Variants in STK25 observed in about 807,000 individuals in gnomAD.
STK25 encodes serine/threonine kinase 25.
STK25 carries 29 observed loss-of-function variants against 53.8 expected under a neutral mutation model. The ratio of observed to expected loss-of-function variants is 0.54; its 90% CI spans 0.40 to 0.74. The LOEUF is 0.74. STK25 is among the 30% of genes least tolerant of loss of function. The pLI is 0.00. For missense variants in STK25, 420 were observed against 568.0 expected, an observed-to-expected ratio of 0.74 and a Z score of 2.65; for synonymous variants, 247 against 238.3, an observed-to-expected ratio of 1.04 and a Z score of -0.33.
chr2:241,502,311 A>G (rs757347040), intron 2 of STK25, among the ~76,000 whole-genome samples: 36 of 152,340 alleles, frequency 2.4e-4, no homozygotes, highest in Non-Finnish European at 4.9e-4. Context: ...ATGACACGGC[A>G]TGAAGGTTGC....
rs2065199923 is a variant in STK25 at position 241,496,861 on chromosome 2, C to T, written c.1105-327G>A. Among the ~76,000 whole-genome samples the T allele has an allele frequency of 6.6e-6, 1 of 152,104 alleles. No individual in the cohort carries two copies. The highest frequency in any genetic ancestry group is 2.1e-4 in the South Asian group (1 of 4,816). ...AGCCACTCAATGGGTCTAATCAGAC[C>T]CAAAAACACGAAGCCCAGAAACCCC... is the stretch of plus-strand genomic sequence containing the variant. On this transcript the variant is annotated intron_variant, in intron 10 of 11. Transcript: ENST00000316586. The surrounding 1 kb of genome is among the most constrained non-coding windows in gnomAD (Gnocchi z 5.8).
Position 241,508,451 on chromosome 2 carries a change from G to A in STK25, c.-109C>T, listed in dbSNP as rs993460835. On this transcript the variant is annotated 5_prime_UTR_variant, in exon 1 of 12. Transcript: ENST00000316586. Reference sequence around the variant, plus strand: ...CCCGGCAGCGCGCCCACCTCCGCGGGGCTCCATCCCGGCCTCCCCCGGCCC... The same window carrying A: ...CCCGGCAGCGCGCCCACCTCCGCGGAGCTCCATCCCGGCCTCCCCCGGCCC... 2.8e-6 allele frequency: 3 copies of A among 1,085,372 alleles called. No individual in the cohort carries two copies. The highest frequency in any genetic ancestry group is 2.3e-6 in the Non-Finnish European group (2 of 888,502). 67.2% of individuals were successfully genotyped at this position (1,085,372 alleles called of 1,614,324 possible). A position where few individuals can be genotyped will look rare whatever the true frequency, so the allele number is the denominator to read the frequency against.
chr2:241,496,442 G>A lies in STK25; in HGVS notation c.1197C>T (p.Gly399=), dbSNP rs761489823. ...AFSLAEESCP[G]ISDKLMVHLV... is the part of the protein sequence containing the mutation. ...GGTGCACCATCAGCTTGTCTGAGATGCCGGGGCAGGACTCCTCGGCCAGGC... is the reference window on the plus strand; with the variant it reads ...GGTGCACCATCAGCTTGTCTGAGATACCGGGGCAGGACTCCTCGGCCAGGC... Residue 399 remains glycine (G), a synonymous_variant, in exon 11 of 12, where the codon GGC becomes GGT. Transcript: ENST00000316586. The surrounding 1 kb of genome is among the most constrained non-coding windows in gnomAD (Gnocchi z 5.8). The A allele has an allele frequency of 1.2e-6, 2 of 1,613,690 alleles. No homozygotes were observed. The highest frequency in any genetic ancestry group is 8.5e-7 in the Non-Finnish European group (1 of 1,179,976).
intron 9 of STK25, 138 bp from the exon 10 acceptor site, chr2:241,497,825 C>CA (rs2065261887): frequency 1.2e-6 from 1 of 822,130 alleles, no homozygotes; most frequent in African/African-American, 1.7e-5. Flanking sequence ...GGGCCGGCCC[C>CA]AAAACCATCA....
upstream of STK25, chr2:241,509,355 C>T (rs1282003588): frequency 6.6e-6 from 1 of 152,352 alleles, no homozygotes; most frequent in Non-Finnish European, 1.5e-5. Context: ...CCGGGAGGGA[C>T]TTGCAGATCC....
chr2:241,502,054 C>T lies in STK25; in HGVS notation c.31-346G>A, dbSNP rs1000669633. 1.6e-5 allele frequency: 4 copies of T among 245,924 alleles called. No individual in the cohort carries two copies. In the East Asian group the frequency reaches 4.0e-4, roughly 25 times the overall value. The allele number at this position is 245,924 out of a possible 1,614,324, so 15.2% of individuals were successfully genotyped here. On this transcript the variant is annotated intron_variant, in intron 2 of 11. Coordinates refer to ENST00000316586, the MANE Select transcript of STK25 (RefSeq NM_001271977.2). ...CGGCTCATGCCTGTAATCCCAGCTA[C>T]TCAGGAGGCTGAGGCAGGAGAATTG...
rs1359046541 is a variant in STK25, at chr2:241,497,691, C to T, written c.1033-4G>A. The T allele has an allele frequency of 6.2e-7, 1 of 1,613,298 alleles. No homozygotes were observed. The highest frequency in any genetic ancestry group is 1.1e-5 in the South Asian group (1 of 91,066). The stretch of plus-strand genomic sequence containing the variant: ...GCCTCTTGACGGGCTCCGCAGGCTG[C>T]AAAGGAGTGGAGGCCCAGGGTGAGC... On this transcript the variant is annotated splice_polypyrimidine_tract_variant and splice_region_variant and intron_variant, in intron 9 of 11. Coordinates refer to ENST00000316586, the MANE Select transcript of STK25 (RefSeq NM_001271977.2).
intron 5 of STK25, 163 bp downstream of exon 5, chr2:241,500,010 G>A: frequency 2.8e-6 from 2 of 706,358 alleles, no homozygotes; most frequent in South Asian, 3.0e-5. Flanking sequence ...AGTATCTTCT[G>A]GAAAGGGAGC....
Position 241,508,363 on chromosome 2 carries a change from C to T in STK25, c.-101+80G>A, listed in dbSNP as rs1574974341. ...CCCGGTGCCCCCGCCCCGGTGTCCC[C>T]GCCACCGAGCCCCGCCCCGGGCCCC... is the stretch of plus-strand genomic sequence containing the variant. On this transcript the variant is annotated intron_variant, in intron 1 of 11. Transcript: ENST00000316586. The T allele has an allele frequency of 7.9e-6, 9 of 1,136,084 alleles. No homozygotes were observed. In the East Asian group the frequency reaches 4.8e-4, roughly 61 times the overall value. The allele number at this position is 1,136,084 out of a possible 1,614,324, so 70.4% of individuals were successfully genotyped here.
intron 5 of STK25, 185 bp downstream of exon 5, chr2:241,499,988 A>G (rs2065409466): frequency 8.7e-6 from 6 of 690,722 alleles, no homozygotes; most frequent in Non-Finnish European, 1.6e-5. Context: ...GTACAAGGAA[A>G]CCGTTACAAG....
At chr2:241,503,581 T>C (rs1054021393) in intron 2 of STK25, among the ~76,000 whole-genome samples, 2 of 149,316 alleles carry the variant, frequency 1.3e-5, no homozygotes, top group African/African-American at 5.0e-5. Flanking sequence ...GGTGTGGTGG[T>C]GGGCGCCTGC....
In STK25 at chr2:241,497,613, C is replaced by T; in HGVS notation, c.1104+3G>A. 1 of 1,613,344 alleles carries T rather than the reference C, an allele frequency of 6.2e-7. No individual in the cohort carries two copies. Among genetic ancestry groups the T allele is most frequent in the Non-Finnish European group, 8.5e-7 (1 of 1,179,824 alleles). ...CCAGGCCCAGTCCCAGCCCCATCCT[C>T]ACCTCTCCGAAGACGGGCCGGACCA... On this transcript the variant is annotated splice_donor_region_variant and intron_variant, in intron 10 of 11. Coordinates refer to ENST00000316586, the MANE Select transcript of STK25 (RefSeq NM_001271977.2).
intron 9 of STK25, 108 bp from the exon 10 acceptor site, chr2:241,497,795 C>CCT: frequency 2.6e-6 from 3 of 1,148,936 alleles, no homozygotes; most frequent in Non-Finnish European, 3.9e-6. Context: ...CTGGGAGCAG[C>CCT]CTGTCGGGGC....
At position 241,493,272 on chromosome 2, in the gene STK25, T is replaced by TG; in HGVS notation, c.*2389dup. The TG allele has an allele frequency of 1.2e-6, 2 of 1,610,792 alleles. No individual in the cohort carries two copies. Among genetic ancestry groups the TG allele is most frequent in the African/African-American group, 2.7e-5 (2 of 74,990 alleles). On this transcript the variant is annotated 3_prime_UTR_variant, in exon 12 of 12. Transcript: ENST00000316586. Reference sequence around the variant, plus strand: ...GTGGCAACCCAGCCCCTGGAACCCGTGTCCCTATGCTGTCTTGCAGGATGA... The same window carrying TG: ...GTGGCAACCCAGCCCCTGGAACCCGTGGTCCCTATGCTGTCTTGCAGGATGA...
rs1315521848 is a variant in STK25, at chr2:241,503,291, C to T, written c.31-1583G>A. 2.0e-5 allele frequency among the ~76,000 whole-genome samples: 3 copies of T among 151,928 alleles called. No individual in the cohort carries two copies. The East Asian group carries it at 5.9e-4, about 30-fold the overall frequency. On this transcript the variant is annotated intron_variant, in intron 2 of 11. Transcript: ENST00000316586. ...TGTTGGCCAGGCTGGTCTCGAACTCCTGACTTCAGGTGATCTGCCCATCTC... is the reference window on the plus strand; with the variant it reads ...TGTTGGCCAGGCTGGTCTCGAACTCTTGACTTCAGGTGATCTGCCCATCTC...
At chr2:241,506,053 T>G (rs1181167731) in intron 2 of STK25, among the ~76,000 whole-genome samples, 4 of 152,222 alleles carry the variant, frequency 2.6e-5, no homozygotes, top group African/African-American at 9.6e-5. Context: ...TGAGTGGTGA[T>G]ACAGTGCTCT....
In STK25 at chr2:241,498,806, C is replaced by G. The variant is rs1469806975; in HGVS notation, c.772-22G>C. The G allele has an allele frequency of 2.5e-6, 4 of 1,613,218 alleles. No individual in the cohort carries two copies. In the South Asian group the frequency reaches 4.4e-5, roughly 18 times the overall value. On this transcript the variant is annotated intron_variant, in intron 7 of 11. Transcript: ENST00000316586. The stretch of plus-strand genomic sequence containing the variant: ...GCCGCTGCAGGGGGTCAGGGGAACA[C>G]TAGTCACTGGGCCCAGCCAAGCTCT...
Position 241,508,106 on chromosome 2 carries a change from C to G in STK25, c.-71G>C, listed in dbSNP as rs1188472117. The stretch of plus-strand genomic sequence containing the variant: ...TGGATCCCGCGGAGAGGCGCGGAGC[C>G]GGCTAGCTCGCCCCTGCGGCGTCAG... On this transcript the variant is annotated 5_prime_UTR_variant, in exon 2 of 12. Transcript: ENST00000316586. The G allele has an allele frequency of 1.3e-6, 2 of 1,543,638 alleles. No homozygotes were observed. The highest frequency in any genetic ancestry group is 2.8e-5 in the African/African-American group (2 of 72,256).
chr2:241,493,597 G>GT lies in STK25; in HGVS notation c.*2064dup, dbSNP rs11320829. 124,699 of 546,956 alleles carry GT rather than the reference G, an allele frequency of 0.23. 2,931 individuals carry two copies. The highest frequency in any genetic ancestry group is 0.32 in the East Asian group (10,247 of 31,880). The allele number at this position is 546,956 out of a possible 1,614,324, so 33.9% of individuals were successfully genotyped here. On this transcript the variant is annotated 3_prime_UTR_variant, in exon 12 of 12. Coordinates refer to ENST00000316586, the MANE Select transcript of STK25 (RefSeq NM_001271977.2). ...CATTTCCAAAAAACAGCAATGCTTT[G>GT]TTTTTTTTTTTTTTGGAGATGGCGT...
Sources: gnomAD v4.1 joint callset for allele counts (sites outside exome capture counted in the v4.1 genomes callset) on GRCh38, gnomAD v4.1.1 for gene constraint, Gnocchi (gnomAD v3.1) non-coding constraint, MANE v1.5 for transcripts, NCBI Gene and HGNC (gene_info 2026-07-23, HGNC 2026-07-21) for gene names.